The following MACROD2 variants were observed in gnomAD, a reference collection of about 807,000 sequenced individuals.
The protein encoded by MACROD2 is mono-ADP ribosylhydrolase 2.
MACROD2 carries 36 observed loss-of-function variants against 70.4 expected under a neutral mutation model. That is an observed-to-expected ratio of 0.51 (90% CI 0.39 to 0.68). The LOEUF (loss-of-function observed/expected upper bound fraction) is 0.68, where lower values mean the gene tolerates loss of function less well. Among genes scored for constraint, MACROD2 ranks in the 30% least tolerant of loss-of-function variants. MACROD2 has a pLI of 0.00. For missense variants in MACROD2, 496 were observed against 538.4 expected, an observed-to-expected ratio of 0.92 and a Z score of 0.78; for synonymous variants, 172 against 178.8, an observed-to-expected ratio of 0.96 and a Z score of 0.30.
At chr20:14,111,600 A>G (rs1042227438) in intron 3 of MACROD2, among the ~76,000 whole-genome samples, 6 of 152,060 alleles carry the variant, frequency 3.9e-5, no homozygotes, top group Non-Finnish European at 7.4e-5. Flanking sequence ...AAACAGGCAT[A>G]TGAAAAGGTG....
At chr20:13,999,875 T>A (rs1352174799) in intron 1 of MACROD2, among the ~76,000 whole-genome samples, 2 of 152,166 alleles carry the variant, frequency 1.3e-5, no homozygotes, top group African/African-American at 4.8e-5. Flanking sequence ...TCTGTGGTAT[T>A]TCCCTTAGTG....
intron 6 of MACROD2, among the ~76,000 whole-genome samples, chr20:15,376,917 G>A (rs1217180794): frequency 3.3e-5 from 5 of 152,060 alleles, no homozygotes; most frequent in Non-Finnish European, 5.9e-5. Flanking sequence ...TTAAGACAGA[G>A]TCTCACTCTG....
chr20:15,975,171 A>T (rs1322982140), intron 13 of MACROD2, among the ~76,000 whole-genome samples: 9 of 152,124 alleles, frequency 5.9e-5, no homozygotes, highest in Non-Finnish European at 1.3e-4. Context: ...TTTATTATAT[A>T]AATAAATGCA....
chr20:14,908,974 G>A (rs1028052505), intron 5 of MACROD2, among the ~76,000 whole-genome samples: 6 of 152,186 alleles, frequency 3.9e-5, no homozygotes, highest in Non-Finnish European at 8.8e-5. Flanking sequence ...GGCATGATGG[G>A]TTTGAAGTGT....
intron 10 of MACROD2, among the ~76,000 whole-genome samples, chr20:15,926,147 A>G (rs907088726): frequency 7.2e-5 from 11 of 152,084 alleles, no homozygotes; most frequent in African/African-American, 2.7e-4. Flanking sequence ...TAATAAGGAG[A>G]CGATGGCAAT....
At chr20:15,589,583 A>G (rs2048650563) in intron 8 of MACROD2, among the ~76,000 whole-genome samples, 2 of 152,170 alleles carry the variant, frequency 1.3e-5, no homozygotes, top group African/African-American at 4.8e-5. Context: ...GGTGCTGTAC[A>G]TTCTATAGGT....
chr20:15,170,335 G>A (rs1391239617), intron 5 of MACROD2, among the ~76,000 whole-genome samples: 1 of 152,300 alleles, frequency 6.6e-6, no homozygotes, highest in African/African-American at 2.4e-5. Flanking sequence ...TAGAGAAGTA[G>A]AGATTAAAGC....
chr20:14,234,364 T>A (rs2081849371), intron 3 of MACROD2, among the ~76,000 whole-genome samples: 1 of 152,220 alleles, frequency 6.6e-6, no homozygotes, highest in South Asian at 2.1e-4. Flanking sequence ...GATATTCATA[T>A]AATTCCAAGG....
chr20:15,267,405 C>G (rs2077305050), intron 6 of MACROD2, among the ~76,000 whole-genome samples: 1 of 152,156 alleles, frequency 6.6e-6, no homozygotes, highest in African/African-American at 2.4e-5. Flanking sequence ...AGGATAGGGA[C>G]AGTGCCTTGT....
chr20:16,010,287 C>T (rs935399052), intron 15 of MACROD2, among the ~76,000 whole-genome samples: 2 of 152,056 alleles, frequency 1.3e-5, no homozygotes, highest in African/African-American at 4.8e-5. Context: ...CCTTCAAAGG[C>T]CCTTGGCTGC....
intron 6 of MACROD2, among the ~76,000 whole-genome samples, chr20:15,233,963 T>TA (rs2076982075): frequency 2.6e-5 from 2 of 76,560 alleles, no homozygotes; most frequent in Non-Finnish European, 5.1e-5. Context: ...TCCAAAAAAT[T>TA]TATTTTTATA....
intron 3 of MACROD2, among the ~76,000 whole-genome samples, chr20:14,295,202 CTCTT>C (rs984236200): frequency 4.0e-5 from 6 of 151,872 alleles, no homozygotes; most frequent in African/African-American, 1.5e-4. Context: ...CTTGGAAACA[CTCTT>C]TATTACTCTT....
intron 8 of MACROD2, among the ~76,000 whole-genome samples, chr20:15,511,425 A>G (rs1312333411): frequency 6.6e-6 from 1 of 152,138 alleles, no homozygotes; most frequent in Non-Finnish European, 1.5e-5. Flanking sequence ...TATAAGCGCA[A>G]AACTTCACCT....
At chr20:14,409,359 G>A (rs62204370) in intron 3 of MACROD2, among the ~76,000 whole-genome samples, 4,873 of 151,806 alleles carry the variant, frequency 0.032, 112 homozygotes, top group Middle Eastern at 0.054. Context: ...TAAGTGCCAG[G>A]CACTGTGTAT....
Position 15,494,776 on chromosome 20 carries a change from T to TGTGTGTGCGC in MACROD2, c.572-4997_572-4996insTGTGTGCGCG, listed in dbSNP as rs368522802. On this transcript the variant is annotated intron_variant, in intron 7 of 17. Coordinates refer to ENST00000684519, the MANE Select transcript of MACROD2 (RefSeq NM_001351661.2). Reference sequence around the variant, plus strand: ...GTGTGTGTGTGTGCGCGTGTGTGTGTGCGCGCGTGTGTGCAGTATATAAAA... The same window carrying TGTGTGTGCGC: ...GTGTGTGTGTGTGCGCGTGTGTGTGTGTGTGTGCGCGCGCGCGTGTGTGCAGTATATAAAA... 1.6e-3 allele frequency among the ~76,000 whole-genome samples: 214 copies of TGTGTGTGCGC among 131,974 alleles called. 2 individuals carry two copies. The highest frequency in any genetic ancestry group is 5.8e-3 in the African/African-American group (208 of 36,104). 86.6% of individuals were successfully genotyped at this position (131,974 alleles called of 152,430 possible).
intron 10 of MACROD2, among the ~76,000 whole-genome samples, chr20:15,911,325 G>T (rs563360433): frequency 6.6e-6 from 1 of 152,190 alleles, no homozygotes; most frequent in Non-Finnish European, 1.5e-5. Context: ...ATTCTAGTTC[G>T]TCGTCAGTAA....
At position 14,908,665 on chromosome 20, in the gene MACROD2, G is replaced by GA. The variant is rs112862531; in HGVS notation, c.418+223718dup. Among the ~76,000 whole-genome samples the GA allele has an allele frequency of 6.2e-3, 883 of 142,814 alleles. 5 individuals carry two copies. The highest frequency in any genetic ancestry group is 7.4e-3 in the Non-Finnish European group (479 of 65,020). The allele number at this position is 142,814 out of a possible 152,430, so 93.7% of individuals were successfully genotyped here. Reference sequence around the variant, plus strand: ...GTGACAGAGCAGACTCTGTCTGCCAGAAAAAAAAAAAAGTGTATCTTCAGA... The same window carrying GA: ...GTGACAGAGCAGACTCTGTCTGCCAGAAAAAAAAAAAAAGTGTATCTTCAGA... On this transcript the variant is annotated intron_variant, in intron 5 of 17. Transcript: ENST00000684519.
At chr20:15,709,325 T>C (rs2050589869) in intron 8 of MACROD2, among the ~76,000 whole-genome samples, 1 of 152,188 alleles carries the variant, frequency 6.6e-6, no homozygotes, top group Admixed American at 6.5e-5. Flanking sequence ...TCTTTTTAAA[T>C]GTTTTTTAAT....
At chr20:15,736,462 A>G (rs1421995905) in intron 8 of MACROD2, among the ~76,000 whole-genome samples, 1 of 152,220 alleles carries the variant, frequency 6.6e-6, no homozygotes, top group South Asian at 2.1e-4. Flanking sequence ...AGAACATGAG[A>G]TGAAAATCCT....
Sources: allele counts gnomAD v4.1 joint callset (sites outside exome capture counted in the v4.1 genomes callset), GRCh38; gene constraint gnomAD v4.1.1; transcripts MANE v1.5; gene names NCBI Gene and HGNC (gene_info 2026-07-23, HGNC 2026-07-21).